Variants in RPS6KL1 observed in about 807,000 individuals in gnomAD.
RPS6KL1 encodes the protein ribosomal protein S6 kinase like 1.
RPS6KL1 carries 41 observed loss-of-function variants against 57.0 expected under a neutral mutation model. The ratio of observed to expected loss-of-function variants is 0.72; its 90% CI spans 0.56 to 0.93. The LOEUF is 0.93. RPS6KL1 is among the 40% of genes least tolerant of loss of function. The pLI is 0.00. For missense variants in RPS6KL1, 697 were observed against 727.7 expected (o/e 0.96, Z 0.49); for synonymous variants, 287 against 309.7 (o/e 0.93, Z 0.77).
chr14:74,911,931 T>TG, intron 5 of RPS6KL1, 90 bp from the exon 6 acceptor site: 2 of 1,099,360 alleles, frequency 1.8e-6, no homozygotes, highest in Non-Finnish European at 2.7e-6. Context: ...GTTCCTCCAC[T>TG]GAGGCTGACT....
chr14:74,921,325 A>C lies in RPS6KL1; in HGVS notation c.217T>G (p.Phe73Val). The change falls in exon 3 of 12, where the codon TTC (phenylalanine) becomes GTC (valine). Residue 73 changes from phenylalanine (F) to valine (V), a missense_variant. By Grantham distance (50) the Phe-to-Val change is conservative. Transcript: ENST00000557413. Reference sequence around the variant, plus strand: ...TCCACGCCATTCTGATAGTGGTTGAAGGCCGCCTCATAGTCCTCACTAACA... The same window carrying C: ...TCCACGCCATTCTGATAGTGGTTGACGGCCGCCTCATAGTCCTCACTAACA... ...RDVSEDYEAA[F>V]NHYQNGVDVL... is the part of the protein sequence containing the mutation. 1 of 1,614,130 alleles carries C rather than the reference A, an allele frequency of 6.2e-7. No homozygotes were observed. Among genetic ancestry groups the C allele is most frequent in the Non-Finnish European group, 8.5e-7 (1 of 1,179,994 alleles).
In RPS6KL1 at chr14:74,906,928, A is replaced by G; in HGVS notation, c.*86T>C. 1 of 931,362 alleles carries G rather than the reference A, an allele frequency of 1.1e-6. No individual in the cohort carries two copies. Among genetic ancestry groups the G allele is most frequent in the Admixed American group, 1.8e-5 (1 of 54,368 alleles). The allele number at this position is 931,362 out of a possible 1,614,324, so 57.7% of individuals were successfully genotyped here. A position where few individuals can be genotyped will look rare whatever the true frequency, so the allele number is the denominator to read the frequency against. On this transcript the variant is annotated 3_prime_UTR_variant, in exon 12 of 12. Coordinates refer to ENST00000557413, the MANE Select transcript of RPS6KL1 (RefSeq NM_031464.5). ...CATTCCTCGCCCAAAGCCCGCTGAT[A>G]GAGGGCCAGCCCTGGGTTGGGTGTC...
In RPS6KL1 at chr14:74,911,226, AG is replaced by A. The variant is rs764285939; in HGVS notation, c.664+21del. The A allele has an allele frequency of 1.2e-5, 20 of 1,601,912 alleles. 1 individual carries two copies. The highest frequency in any genetic ancestry group is 1.7e-5 in the Non-Finnish European group (20 of 1,174,338). ...TACCCCAAAGGCCTGGGGAGCTGAC[AG>A]GGGGCCCCAGGCCTGCTCACCTTGC... On this transcript the variant is annotated intron_variant, in intron 7 of 11. Coordinates refer to ENST00000557413, the MANE Select transcript of RPS6KL1 (RefSeq NM_031464.5).
In RPS6KL1 at chr14:74,919,608, G is replaced by A. The variant is rs183687119; in HGVS notation, c.390+237C>T. Among the ~76,000 whole-genome samples the A allele has an allele frequency of 2.2e-3, 342 of 152,358 alleles. 5 individuals are homozygous for A. In the South Asian group the frequency reaches 0.026, roughly 12 times the overall value. On this transcript the variant is annotated intron_variant, in intron 4 of 11. Transcript: ENST00000557413. Reference sequence around the variant, plus strand: ...CAAGTGCTCTGTGAGGGAGGCAGACGACTGGAGATGACTCAGTGAGTTGTT... The same window carrying A: ...CAAGTGCTCTGTGAGGGAGGCAGACAACTGGAGATGACTCAGTGAGTTGTT...
chr14:74,919,717 A>C (rs80156557), intron 4 of RPS6KL1, 128 bp downstream of exon 4: 1 of 1,044,902 alleles, frequency 9.6e-7, no homozygotes, highest in African/African-American at 1.6e-5. Flanking sequence ...ACTCCAGCCC[A>C]AATAATGACT....
At position 74,904,508 on chromosome 14, in the gene RPS6KL1, G is replaced by C. The variant is rs1012255950; in HGVS notation, c.*2506C>G. On this transcript the variant is annotated 3_prime_UTR_variant, in exon 12 of 12. Coordinates refer to ENST00000557413, the MANE Select transcript of RPS6KL1 (RefSeq NM_031464.5). ...ACTGAGACGAGGGGTCCATACAGAT[G>C]GTTGGGGGGCTTAGGATGTTTTTTG... The C allele has an allele frequency of 4.6e-5, 7 of 152,200 alleles. No homozygotes were observed. Among genetic ancestry groups the C allele is most frequent in the African/African-American group, 1.7e-4 (7 of 41,456 alleles). 9.4% of individuals were successfully genotyped at this position (152,200 alleles called of 1,614,324 possible).
intron 3 of RPS6KL1, 94 bp downstream of exon 3, chr14:74,921,183 C>T: frequency 3.4e-6 from 4 of 1,162,158 alleles, no homozygotes; most frequent in Non-Finnish European, 5.0e-6. Context: ...TCACTCAGTA[C>T]AAATGGACAG....
chr14:74,915,254 G>C (rs538157755), intron 5 of RPS6KL1, among the ~76,000 whole-genome samples: 44 of 152,258 alleles, frequency 2.9e-4, no homozygotes, highest in Non-Finnish European at 6.0e-4. Flanking sequence ...CTACTGTGTT[G>C]AACAGCACCC....
rs1412553350 is a variant in RPS6KL1 at position 74,905,988 on chromosome 14, T to A, written c.*1026A>T. On this transcript the variant is annotated 3_prime_UTR_variant, in exon 12 of 12. Coordinates refer to ENST00000557413, the MANE Select transcript of RPS6KL1 (RefSeq NM_031464.5). ...AGCCCCCAAACTGGAGGCAATTGTC[T>A]TTGAGGTAACCACTCACCCCAGCTT... The A allele has an allele frequency of 6.4e-6, 1 of 156,132 alleles. No individual in the cohort carries two copies. The allele number at this position is 156,132 out of a possible 1,614,324, so 9.7% of individuals were successfully genotyped here. A position where few individuals can be genotyped will look rare whatever the true frequency, so the allele number is the denominator to read the frequency against.
chr14:74,912,942 C>G (rs574070569), intron 5 of RPS6KL1, among the ~76,000 whole-genome samples: 1 of 152,282 alleles, frequency 6.6e-6, no homozygotes, highest in Admixed American at 6.5e-5. Context: ...ATGGGTACGT[C>G]GAGGGCGGGA....
chr14:74,922,537 G>C (rs1053328901), intron 1 of RPS6KL1, 52 bp from the exon 2 acceptor site: 1 of 167,902 alleles, frequency 6.0e-6, no homozygotes, highest in Non-Finnish European at 1.2e-5. Context: ...CGTTGGATGG[G>C]GGGTAGAAGA....
Position 74,908,912 on chromosome 14 carries a change from G to C in RPS6KL1, c.1381C>G (p.Leu461Val), listed in dbSNP as rs1370118521. The C allele has an allele frequency of 6.2e-7, 1 of 1,613,800 alleles. No homozygotes were observed. Among genetic ancestry groups the C allele is most frequent in the South Asian group, 1.1e-5 (1 of 91,036 alleles). ...SAPEVGGISE[L>V]TEACDWWSFG... ...CTCCACCAGTCACAGGCTTCCGTCAGCTCGGAAATCCCACCCACCTCTGTG... is the reference window on the plus strand; with the variant it reads ...CTCCACCAGTCACAGGCTTCCGTCACCTCGGAAATCCCACCCACCTCTGTG... Residue 461 changes from leucine to valine, a missense_variant, in exon 10 of 12, where the codon CTG (leucine) becomes GTG (valine). Coordinates refer to ENST00000557413, the MANE Select transcript of RPS6KL1 (RefSeq NM_031464.5).
intron 5 of RPS6KL1, among the ~76,000 whole-genome samples, chr14:74,916,741 C>T (rs1274287419): frequency 6.6e-6 from 1 of 152,076 alleles, no homozygotes; most frequent in Non-Finnish European, 1.5e-5. Flanking sequence ...GCAGGGGCCT[C>T]GAAACACTGG....
At chr14:74,913,039 C>T (rs896177221) in intron 5 of RPS6KL1, among the ~76,000 whole-genome samples, 10 of 152,204 alleles carry the variant, frequency 6.6e-5, no homozygotes, top group Non-Finnish European at 8.8e-5. Flanking sequence ...GCCTGCCCTG[C>T]GGACATTCCC....
chr14:74,908,008 A>AG (rs1885212428), intron 10 of RPS6KL1, among the ~76,000 whole-genome samples: 1 of 152,194 alleles, frequency 6.6e-6, no homozygotes, highest in Non-Finnish European at 1.5e-5. Flanking sequence ...GTCTGTCTGG[A>AG]GGGAAGTATG....
At chr14:74,911,668 G>C (rs1886018716) in intron 6 of RPS6KL1, 126 bp downstream of exon 6, 1 of 918,884 alleles carries the variant, frequency 1.1e-6, no homozygotes, top group Non-Finnish European at 1.7e-6. Context: ...GGCATGTTCA[G>C]GCAGAACAAC....
chr14:74,909,414 C>G, intron 8 of RPS6KL1, 129 bp downstream of exon 8: 1 of 1,269,812 alleles, frequency 7.9e-7, no homozygotes, highest in East Asian at 2.5e-5. Context: ...CAGCCTAGGC[C>G]CCCTGAAAGG....
Position 74,906,530 on chromosome 14 carries a change from C to T in RPS6KL1, c.*484G>A, listed in dbSNP as rs200676284. 193 of 515,008 alleles carry T rather than the reference C, an allele frequency of 3.7e-4. 1 individual carries two copies. The highest frequency in any genetic ancestry group is 7.8e-4 in the Admixed American group (38 of 48,516). The allele number at this position is 515,008 out of a possible 1,614,324, so 31.9% of individuals were successfully genotyped here. ...CAGCTTCTGGTGGAAGAGGCCTACT[C>T]GCTGTGTGACTAAGAGGACTAGCCA... On this transcript the variant is annotated 3_prime_UTR_variant, in exon 12 of 12. Transcript: ENST00000557413.
chr14:74,906,412 G>C lies in RPS6KL1; in HGVS notation c.*602C>G, dbSNP rs1306094433. The C allele has an allele frequency of 5.9e-6, 2 of 341,024 alleles. No homozygotes were observed. Among genetic ancestry groups the C allele is most frequent in the Admixed American group, 6.8e-5 (2 of 29,274 alleles). The allele number at this position is 341,024 out of a possible 1,614,324, so 21.1% of individuals were successfully genotyped here. ...GGGCATGGTCAGGAATCGGGGGTGGGGGGGTGGGGGTGGGGGTCATCCTGT... is the reference window on the plus strand; with the variant it reads ...GGGCATGGTCAGGAATCGGGGGTGGCGGGGTGGGGGTGGGGGTCATCCTGT... On this transcript the variant is annotated 3_prime_UTR_variant, in exon 12 of 12. Coordinates refer to ENST00000557413, the MANE Select transcript of RPS6KL1 (RefSeq NM_031464.5).
Sources: gnomAD v4.1 joint callset for allele counts (sites outside exome capture counted in the v4.1 genomes callset) on GRCh38, gnomAD v4.1.1 for gene constraint, MANE v1.5 for transcripts, NCBI Gene and HGNC (gene_info 2026-07-23, HGNC 2026-07-21) for gene names.